GON4L: variants seen among roughly 807,000 people sequenced by gnomAD.
GON4L encodes the protein GON-4-like protein.
In GON4L, 87 loss-of-function variants were observed where a neutral mutation model predicts 211.8. The observed-to-expected ratio is 0.41, with a 90% CI of 0.35 to 0.49. The LOEUF is 0.49. GON4L is among the 20% of genes least tolerant of loss of function. The pLI is 0.15. For missense variants in GON4L, 2,155 were observed against 2,659.5 expected (o/e 0.81, Z 4.17); for synonymous variants, 875 against 962.6 (o/e 0.91, Z 1.68).
rs183866350 is a variant in GON4L at position 155,783,873 on chromosome 1, A to G, written c.1892+113T>C. Reference sequence around the variant, plus strand: ...TCCTGACAGGGCTCTGCATCCTTACATCAGTAACAGAAGCTGGTTTGGGAT... The same window carrying G: ...TCCTGACAGGGCTCTGCATCCTTACGTCAGTAACAGAAGCTGGTTTGGGAT... On this transcript the variant is annotated intron_variant, in intron 14 of 31. Transcript: ENST00000368331. 4 of 1,540,568 alleles carry G rather than the reference A, an allele frequency of 2.6e-6. No homozygotes were observed. In the African/African-American group the frequency reaches 4.1e-5, roughly 16 times the overall value.
intron 2 of GON4L, among the ~76,000 whole-genome samples, chr1:155,840,457 T>G (rs1670668717): frequency 6.6e-6 from 1 of 152,202 alleles, no homozygotes; most frequent in South Asian, 2.1e-4. Context: ...TTGTCTGGCT[T>G]GTTGCTGGGC....
downstream of GON4L, chr1:155,747,723 C>T (rs1212374060): frequency 6.2e-7 from 1 of 1,613,792 alleles, no homozygotes; most frequent in Non-Finnish European, 8.5e-7. Flanking sequence ...AAGCTCTTCT[C>T]ATCCTGCTAA....
At chr1:155,748,365 C>G, downstream of GON4L, 2 of 1,578,720 alleles carry the variant, frequency 1.3e-6, no homozygotes, top group Non-Finnish European at 1.7e-6. Context: ...TTTCCAGGCC[C>G]GAGGCCAAGT....
At chr1:155,852,058 G>T (rs969932966) in intron 2 of GON4L, among the ~76,000 whole-genome samples, 1 of 149,448 alleles carries the variant, frequency 6.7e-6, no homozygotes, top group Non-Finnish European at 1.5e-5. Flanking sequence ...CCAGCTACTC[G>T]CGAGGCTGAA....
At chr1:155,847,534 T>C (rs1671361104) in intron 2 of GON4L, among the ~76,000 whole-genome samples, 1 of 152,152 alleles carries the variant, frequency 6.6e-6, no homozygotes, top group Non-Finnish European at 1.5e-5. Context: ...AAACCCCGTC[T>C]CTACTAAAAA....
chr1:155,790,020 C>T (rs1310353912), intron 12 of GON4L, among the ~76,000 whole-genome samples: 1 of 152,060 alleles, frequency 6.6e-6, no homozygotes, highest in Non-Finnish European at 1.5e-5. Flanking sequence ...CTCACTGCAA[C>T]CTTGAACTTC....
At chr1:155,777,874 C>A (rs1663992645) in intron 14 of GON4L, 54 bp from the exon 15 acceptor site, 1 of 1,055,356 alleles carries the variant, frequency 9.5e-7, no homozygotes, top group African/African-American at 1.6e-5. Flanking sequence ...GTCCACAACA[C>A]ATCCAATTCG....
At chr1:155,845,329 C>G (rs141952500) in intron 2 of GON4L, 38 of 196,082 alleles carry the variant, frequency 1.9e-4, no homozygotes, top group Non-Finnish European at 3.2e-4. Flanking sequence ...AAAAGAAACT[C>G]CAGTGGGTCA....
At chr1:155,748,162 G>C, downstream of GON4L, 4 of 1,543,514 alleles carry the variant, frequency 2.6e-6, no homozygotes, top group South Asian at 4.8e-5. Flanking sequence ...ACTGCGGCAG[G>C]CTACAGGGCC....
In GON4L at chr1:155,766,178, T is replaced by C. The variant is rs754366370; in HGVS notation, c.3295A>G (p.Lys1099Glu). 51 of 1,614,006 alleles carry C rather than the reference T, an allele frequency of 3.2e-5. No homozygotes were observed. The highest frequency in any genetic ancestry group is 4.2e-5 in the Non-Finnish European group (50 of 1,180,010). The part of the protein sequence containing the change: ...QTLLSSAPVP[K>E]VMLPSLAPSK... ...GGGGCAAGGGAGGGCAGCATTACCTTGGGCACAGGGGCAGAAGAGAGCAAA... is the reference window on the plus strand; with the variant it reads ...GGGGCAAGGGAGGGCAGCATTACCTCGGGCACAGGGGCAGAAGAGAGCAAA... Residue 1099 changes from lysine to glutamate, a missense_variant, in exon 21 of 32, where the codon AAG (lysine) becomes GAG (glutamate). By Grantham distance (56) the Lys-to-Glu change is moderately conservative (BLOSUM62 1). Around this residue, in one of 6 missense-constraint regions of GON4L, gnomAD observed 615 missense variants for 625.7 expected, o/e 0.98. Transcript: ENST00000368331.
intron 2 of GON4L, among the ~76,000 whole-genome samples, chr1:155,843,608 G>A (rs1164498454): frequency 6.6e-6 from 1 of 152,018 alleles, no homozygotes; most frequent in East Asian, 1.9e-4. Context: ...ACGATGCTCT[G>A]ACCCAACCCT....
downstream of GON4L, among the ~76,000 whole-genome samples, chr1:155,745,487 A>G (rs561560750): frequency 4.1e-4 from 63 of 152,274 alleles, no homozygotes; most frequent in African/African-American, 1.4e-3. Flanking sequence ...GTAAGAAGAG[A>G]TAAGACCTCA....
downstream of GON4L, chr1:155,745,846 G>A (rs763963461): frequency 2.7e-6 from 2 of 735,140 alleles, no homozygotes; most frequent in Non-Finnish European, 4.5e-6. Context: ...GCGGGGCCCG[G>A]GAGGTGCTCA....
intron 2 of GON4L, among the ~76,000 whole-genome samples, chr1:155,852,162 CAAAAAAAAAAA>C (rs150456648): frequency 1.3e-5 from 1 of 77,868 alleles, no homozygotes; most frequent in East Asian, 3.3e-4. Context: ...GAGACTGTCA[CAAAAAAAAAAA>C]AAAAAAAAAA....
At chr1:155,790,186 G>A (rs922676183) in intron 12 of GON4L, among the ~76,000 whole-genome samples, 6 of 151,812 alleles carry the variant, frequency 4.0e-5, no homozygotes, top group Admixed American at 2.6e-4. Flanking sequence ...TGCAGCCTCC[G>A]CCTCCCAGGT....
intron 24 of GON4L, among the ~76,000 whole-genome samples, chr1:155,759,361 C>A (rs1228431286): frequency 6.6e-6 from 1 of 152,110 alleles, no homozygotes; most frequent in Non-Finnish European, 1.5e-5. Flanking sequence ...CACCTGAGGT[C>A]TGGAGTTCGA....
rs372202925 is a variant in GON4L, at chr1:155,776,338, C to A, written c.2178+57G>T. On this transcript the variant is annotated intron_variant, in intron 16 of 31. Transcript: ENST00000368331. ...TGATCAGTGAATAACTGAGAAATAA[C>A]CTGCCAAGCTAATTTCATACTCTAG... The A allele has an allele frequency of 5.2e-6, 6 of 1,159,100 alleles. 1 individual carries two copies. Among genetic ancestry groups the A allele is most frequent in the Non-Finnish European group, 7.8e-6 (6 of 766,052 alleles). 71.8% of individuals were successfully genotyped at this position (1,159,100 alleles called of 1,614,324 possible). A position where few individuals can be genotyped will look rare whatever the true frequency, so the allele number is the denominator to read the frequency against.
chr1:155,783,996 G>C lies in GON4L; in HGVS notation c.1882C>G (p.Gln628Glu). Residue 628 changes from glutamine (Q) to glutamate (E), a missense_variant, in exon 14 of 32, where the codon CAA becomes GAA. Coordinates refer to ENST00000368331, the MANE Select transcript of GON4L (RefSeq NM_001282860.2). Reference sequence around the variant, plus strand: ...CTTCAACTAGCCTACCGTAGAGCTTGAGGGGTGTTAAAGTTAGGACGAGGC... The same window carrying C: ...CTTCAACTAGCCTACCGTAGAGCTTCAGGGGTGTTAAAGTTAGGACGAGGC... The part of the protein sequence containing the change: ...AEPRPNFNTP[Q>E]ALRFEEPLAN... 1 of 1,613,808 alleles carries C rather than the reference G, an allele frequency of 6.2e-7. No homozygotes were observed. Among genetic ancestry groups the C allele is most frequent in the Non-Finnish European group, 8.5e-7 (1 of 1,179,716 alleles).
intron 2 of GON4L, among the ~76,000 whole-genome samples, chr1:155,836,375 G>C (rs1427428437): frequency 6.6e-6 from 1 of 151,122 alleles, no homozygotes; most frequent in Non-Finnish European, 1.5e-5. Flanking sequence ...TCAGCCTCCC[G>C]AGTAGCTGGG....
Sources: allele counts gnomAD v4.1 joint callset (sites outside exome capture counted in the v4.1 genomes callset), GRCh38; gene constraint gnomAD v4.1.1; regional missense constraint gnomAD v4.1.1; transcripts MANE v1.5; gene names NCBI Gene and HGNC (gene_info 2026-07-23, HGNC 2026-07-21).